ASPH: variants seen among roughly 807,000 people sequenced by gnomAD.
ASPH encodes the protein aspartyl/asparaginyl beta-hydroxylase.
In ASPH, 100 loss-of-function variants were observed where a neutral mutation model predicts 118.4. The observed-to-expected ratio is 0.84, with a 90% CI of 0.72 to 1.00. ASPH has a LOEUF of 1.00. Among genes scored for constraint, ASPH ranks in the 50% least tolerant of loss-of-function variants. ASPH has a pLI of 0.00. For missense variants in ASPH, 920 were observed against 919.5 expected (o/e 1.00, Z -0.01); for synonymous variants, 315 against 325.6 (o/e 0.97, Z 0.35).
At chr8:61,548,650 A>T (rs1397961334) in intron 20 of ASPH, among the ~76,000 whole-genome samples, 1 of 152,256 alleles carries the variant, frequency 6.6e-6, no homozygotes, top group Non-Finnish European at 1.5e-5. Flanking sequence ...AAATAAAAGC[A>T]GCTTCTTTTC....
At chr8:61,649,436 G>A (rs548051214) in intron 5 of ASPH, among the ~76,000 whole-genome samples, 1 of 152,278 alleles carries the variant, frequency 6.6e-6, no homozygotes, top group South Asian at 2.1e-4. Flanking sequence ...TCCAAATGGA[G>A]ATGCCAAGTA....
At chr8:61,713,544 G>T (rs932525693) in intron 1 of ASPH, among the ~76,000 whole-genome samples, 1 of 152,110 alleles carries the variant, frequency 6.6e-6, no homozygotes, top group African/African-American at 2.4e-5. Context: ...AAGAAACCAA[G>T]AATCACTGAA....
intron 1 of ASPH, chr8:61,687,320 T>C (rs2151735122): frequency 6.6e-6 from 1 of 152,272 alleles, no homozygotes. Flanking sequence ...AAAATATTTT[T>C]TCTAAAAAAT....
chr8:61,575,720 CCT>C (rs1420069474), intron 16 of ASPH, among the ~76,000 whole-genome samples: 3 of 152,148 alleles, frequency 2.0e-5, no homozygotes, highest in Admixed American at 1.3e-4. Context: ...CTTAAAAAAA[CCT>C]CTCTGGCTAG....
At chr8:61,638,479 GTC>G in intron 10 of ASPH, 116 bp from the exon 11 acceptor site, 1 of 899,422 alleles carries the variant, frequency 1.1e-6, no homozygotes, top group Non-Finnish European at 1.7e-6. Flanking sequence ...GCAAGGTTCA[GTC>G]ACTGGGAAAC....
intron 24 of ASPH, among the ~76,000 whole-genome samples, chr8:61,510,080 C>T (rs972997981): frequency 1.3e-5 from 2 of 152,168 alleles, no homozygotes; most frequent in Non-Finnish European, 2.9e-5. Flanking sequence ...ATTTCTGCAG[C>T]AATCAGACAG....
At chr8:61,643,731 T>C in intron 8 of ASPH, among the ~76,000 whole-genome samples, 1 of 152,222 alleles carries the variant, frequency 6.6e-6, no homozygotes, top group Non-Finnish European at 1.5e-5. Context: ...GTCTCAACAG[T>C]GGTTTGAAAA....
chr8:61,667,881 A>C (rs1820496079), intron 3 of ASPH, among the ~76,000 whole-genome samples: 1 of 152,236 alleles, frequency 6.6e-6, no homozygotes, highest in South Asian at 2.1e-4. Flanking sequence ...AGTAATTCAA[A>C]AAAATCAAAG....
At chr8:61,587,620 C>T (rs770769259) in intron 14 of ASPH, among the ~76,000 whole-genome samples, 11 of 152,172 alleles carry the variant, frequency 7.2e-5, no homozygotes, top group Non-Finnish European at 1.5e-4. Flanking sequence ...ATGAGCAATG[C>T]TGTATCTTAG....
intron 1 of ASPH, among the ~76,000 whole-genome samples, chr8:61,698,678 G>A (rs868711653): frequency 3.9e-5 from 6 of 152,228 alleles, no homozygotes; most frequent in Middle Eastern, 3.4e-3. Flanking sequence ...TCCTGTGACC[G>A]GCACCCATCC....
chr8:61,704,539 A>G (rs1836102525), intron 1 of ASPH, among the ~76,000 whole-genome samples: 1 of 152,110 alleles, frequency 6.6e-6, no homozygotes, highest in Non-Finnish European at 1.5e-5. Context: ...AGCATTAAAA[A>G]TAAAAAAATA....
At chr8:61,609,245 C>G (rs969351576) in intron 14 of ASPH, among the ~76,000 whole-genome samples, 1 of 152,176 alleles carries the variant, frequency 6.6e-6, no homozygotes, top group Non-Finnish European at 1.5e-5. Flanking sequence ...TACCCCTCCA[C>G]GTGGAAATCC....
intron 21 of ASPH, among the ~76,000 whole-genome samples, chr8:61,530,419 AGGCATCTATAAAT>A (rs1240778568): frequency 2.0e-5 from 3 of 152,144 alleles, no homozygotes; most frequent in Non-Finnish European, 4.4e-5. Flanking sequence ...TTTTCACTCT[AGGCATCTATAAAT>A]GGCCTTCCCA....
At chr8:61,656,166 GGCAATGAAGTA>G (rs1355238802) in intron 3 of ASPH, 2 of 152,186 alleles carry the variant, frequency 1.3e-5, no homozygotes, top group East Asian at 3.8e-4. Context: ...AGGTACAAGT[GGCAATGAAGTA>G]GCAATGAAAT....
chr8:61,539,740 GTC>G (rs1554618400), intron 21 of ASPH, among the ~76,000 whole-genome samples: 7 of 144,190 alleles, frequency 4.9e-5, no homozygotes, highest in East Asian at 4.2e-4. Context: ...GTGTGTGTGT[GTC>G]TGTCCCTCTC....
intron 1 of ASPH, among the ~76,000 whole-genome samples, chr8:61,704,847 A>G (rs1362341315): frequency 6.6e-6 from 1 of 152,218 alleles, no homozygotes; most frequent in African/African-American, 2.4e-5. Flanking sequence ...TATGTAGAAC[A>G]ACCAATTCCA....
Position 61,650,454 on chromosome 8 carries a change from C to T in ASPH, c.490+596G>A, listed in dbSNP as rs561479133. Among the ~76,000 whole-genome samples, 4 of 152,248 alleles carry T rather than the reference C, an allele frequency of 2.6e-5. No individual in the cohort carries two copies. The South Asian group carries it at 8.3e-4, about 32-fold the overall frequency. Reference sequence around the variant, plus strand: ...CTTCATGAGATACGTTTTGGGATCACGATCTCTGTTTTTATCAAGGGATGC... The same window carrying T: ...CTTCATGAGATACGTTTTGGGATCATGATCTCTGTTTTTATCAAGGGATGC... On this transcript the variant is annotated intron_variant, in intron 5 of 24. Transcript: ENST00000379454.
At chr8:61,512,475 C>G (rs753015736) in intron 24 of ASPH, among the ~76,000 whole-genome samples, 3 of 152,176 alleles carry the variant, frequency 2.0e-5, no homozygotes, top group Non-Finnish European at 4.4e-5. Context: ...GAAGCTAGGA[C>G]AGGGGAACAG....
intron 3 of ASPH, among the ~76,000 whole-genome samples, chr8:61,673,381 G>C (rs1823581263): frequency 6.6e-6 from 1 of 152,126 alleles, no homozygotes; most frequent in African/African-American, 2.4e-5. Flanking sequence ...TCCCCAGAGT[G>C]CTGCTGTCTT....
Sources: gnomAD v4.1 joint callset for allele counts (sites outside exome capture counted in the v4.1 genomes callset) on GRCh38, gnomAD v4.1.1 for gene constraint, MANE v1.5 for transcripts, NCBI Gene and HGNC (gene_info 2026-07-23, HGNC 2026-07-21) for gene names.